The following ASPH variants were observed in gnomAD, a reference collection of about 807,000 sequenced individuals.
The protein encoded by ASPH is aspartate beta-hydroxylase.
In ASPH, 100 loss-of-function variants were observed where a neutral mutation model predicts 118.4. That is an observed-to-expected ratio of 0.84 (90% CI 0.72 to 1.00). ASPH has a LOEUF of 1.00. Ranked by LOEUF, ASPH falls within the 50% of genes least tolerant of loss-of-function variation. The pLI, the probability that ASPH is intolerant of heterozygous loss-of-function variation, is 0.00. For missense variants in ASPH, 920 were observed against 919.5 expected (o/e 1.00, Z -0.01); for synonymous variants, 315 against 325.6 (o/e 0.97, Z 0.35).
chr8:61,536,115 C>A (rs1263798159), intron 21 of ASPH, among the ~76,000 whole-genome samples: 3 of 146,132 alleles, frequency 2.1e-5, no homozygotes, highest in Non-Finnish European at 4.5e-5. Flanking sequence ...TCTTGGCTTG[C>A]TGCAACCTCT....
rs1832017167 is a variant in ASPH, at chr8:61,567,246, C to T, written c.1222G>A (p.Val408Met). ...GCAGGGACATCAGGTAGGCTGGCCACCTCTTGGTAGGTCTCGATGGCTCCA... is the reference window on the plus strand; with the variant it reads ...GCAGGGACATCAGGTAGGCTGGCCATCTCTTGGTAGGTCTCGATGGCTCCA... Reference protein sequence around the residue: ...LRGAIETYQEVASLPDVPADL... With the variant: ...LRGAIETYQEMASLPDVPADL... Residue 408 changes from valine (V) to methionine (M), a missense_variant, in exon 17 of 25, where the codon GTG becomes ATG. Physicochemically the swap from Val to Met is conservative, Grantham distance 21 (BLOSUM62 1). Transcript: ENST00000379454. 6.2e-7 allele frequency: 1 copy of T among 1,614,118 alleles called. No individual in the cohort carries two copies. The highest frequency in any genetic ancestry group is 8.5e-7 in the Non-Finnish European group (1 of 1,180,030).
chr8:61,566,668 C>T lies in ASPH; in HGVS notation c.1300+500G>A, dbSNP rs539759831. On this transcript the variant is annotated intron_variant, in intron 17 of 24. Coordinates refer to ENST00000379454, the MANE Select transcript of ASPH (RefSeq NM_004318.4). Reference sequence around the variant, plus strand: ...GTTGCCTTATTTTAAGAAATTGCCTCAGTCACCCCAACCTTCAGCAACCAC... The same window carrying T: ...GTTGCCTTATTTTAAGAAATTGCCTTAGTCACCCCAACCTTCAGCAACCAC... 1.8e-4 allele frequency among the ~76,000 whole-genome samples: 28 copies of T among 152,334 alleles called. No homozygotes were observed. In the South Asian group the frequency reaches 5.8e-3, roughly 32 times the overall value.
chr8:61,503,761 C>A (rs1024666515), intron 24 of ASPH, among the ~76,000 whole-genome samples: 1 of 152,204 alleles, frequency 6.6e-6, no homozygotes, highest in Non-Finnish European at 1.5e-5. Flanking sequence ...GTGATGAAGA[C>A]ATATTGGTCT....
chr8:61,583,882 ATC>A, intron 15 of ASPH, 60 bp downstream of exon 15: 1 of 1,195,170 alleles, frequency 8.4e-7, no homozygotes, highest in Non-Finnish European at 1.2e-6. Context: ...TTTTTAACAA[ATC>A]AAGAGTAATG....
At chr8:61,560,965 A>C (rs1271121127) in intron 18 of ASPH, among the ~76,000 whole-genome samples, 1 of 151,300 alleles carries the variant, frequency 6.6e-6, no homozygotes, top group Non-Finnish European at 1.5e-5. Context: ...GAAGCGAGAG[A>C]GGGAGGGGTA....
chr8:61,518,864 TC>T (rs1811890811), intron 22 of ASPH, among the ~76,000 whole-genome samples: 1 of 152,152 alleles, frequency 6.6e-6, no homozygotes, highest in Admixed American at 6.5e-5. Flanking sequence ...TTTGTATAGG[TC>T]CCATGGTGTT....
chr8:61,561,154 T>C (rs1443257826), intron 18 of ASPH, among the ~76,000 whole-genome samples: 1 of 130,884 alleles, frequency 7.6e-6, no homozygotes, highest in African/African-American at 3.2e-5. Context: ...AAGTTAGGAA[T>C]TCTACAAGTT....
At chr8:61,662,810 A>C (rs1385443476) in intron 3 of ASPH, 1 of 977,558 alleles carries the variant, frequency 1.0e-6, no homozygotes, top group Non-Finnish European at 1.2e-6. Context: ...AATCAATGAG[A>C]TAGCCAAAAC....
At chr8:61,645,141 T>C (rs1012237904) in intron 6 of ASPH, among the ~76,000 whole-genome samples, 2 of 152,230 alleles carry the variant, frequency 1.3e-5, no homozygotes, top group African/African-American at 4.8e-5. Flanking sequence ...ACCACACTTA[T>C]GACCTTGCTA....
rs61731238 is a variant in ASPH, at chr8:61,562,779, C to T, written c.1402G>A (p.Gly468Arg). The T allele has an allele frequency of 7.6e-4, 1,225 of 1,610,388 alleles. 8 individuals are homozygous for T. In the African/African-American group the frequency reaches 0.014, roughly 19 times the overall value. ...NDLGVGYLLI[G>R]DNDNAKKVYE... ...ACTTTCTTTGCATTGTCATTATCTC[C>T]TATCAAGAGGTATCCCACGCCAAGG... The change falls in exon 18 of 25, where the codon GGA (glycine) becomes AGA (arginine). Residue 468 changes from glycine (G) to arginine (R), a missense_variant. Coordinates refer to ENST00000379454, the MANE Select transcript of ASPH (RefSeq NM_004318.4).
At chr8:61,643,134 G>A (rs1160580531) in intron 9 of ASPH, among the ~76,000 whole-genome samples, 2 of 152,246 alleles carry the variant, frequency 1.3e-5, no homozygotes, top group African/African-American at 4.8e-5. Flanking sequence ...TGGCACAGAG[G>A]AATTTGATAC....
intron 3 of ASPH, chr8:61,665,579 T>G: frequency 6.3e-7 from 1 of 1,592,542 alleles, no homozygotes; most frequent in South Asian, 1.2e-5. Flanking sequence ...TTTCTCCTTC[T>G]TGAGCTCTTC....
chr8:61,580,209 CA>C (rs1587584996), intron 15 of ASPH, among the ~76,000 whole-genome samples: 1 of 152,186 alleles, frequency 6.6e-6, no homozygotes, highest in East Asian at 1.9e-4. Context: ...GTGGATCTAC[CA>C]TTCTGGGGCC....
chr8:61,619,015 T>C lies in ASPH; in HGVS notation c.939A>G (p.Thr313=), dbSNP rs767021011. Residue 313 remains threonine, a synonymous_variant, in exon 14 of 25, where the codon ACA becomes ACG. Transcript: ENST00000379454. ...VEEQQEVPPE[T]NRKTDDPEQK... ...GTTCTGGATCATCTGTTTTTCTATT[T>C]GTTTCTGAAAATTAAAGACAAAACA... 8 of 1,602,996 alleles carry C rather than the reference T, an allele frequency of 5.0e-6. No homozygotes were observed. The South Asian group carries it at 8.9e-5, about 18-fold the overall frequency.
chr8:61,562,797 C>T lies in ASPH; in HGVS notation c.1384G>A (p.Val462Met), dbSNP rs200072789. ...NDTSLKNDLG[V>M]GYLLIGDNDN... The stretch of plus-strand genomic sequence containing the variant: ...TTATCTCCTATCAAGAGGTATCCCA[C>T]GCCAAGGTCATTTTTTAAGGAAGTA... The change falls in exon 18 of 25, where the codon GTG (valine) becomes ATG (methionine). Residue 462 changes from valine to methionine, a missense_variant. Physicochemically the swap from Val to Met is conservative, Grantham distance 21. Coordinates refer to ENST00000379454, the MANE Select transcript of ASPH (RefSeq NM_004318.4). The T allele has an allele frequency of 4.7e-5, 76 of 1,612,354 alleles. 1 individual carries two copies. Among genetic ancestry groups the T allele is most frequent in the Middle Eastern group, 1.7e-4 (1 of 6,052 alleles).
At chr8:61,562,389 C>CTATGTGTGTGTG (rs71257370) in intron 18 of ASPH, among the ~76,000 whole-genome samples, 1 of 128,986 alleles carries the variant, frequency 7.8e-6, no homozygotes, top group Non-Finnish European at 1.6e-5. Flanking sequence ...GAAAGTGTGT[C>CTATGTGTGTGTG]TGTGTGTGTG....
At chr8:61,600,185 A>G (rs558656498) in intron 14 of ASPH, among the ~76,000 whole-genome samples, 2 of 152,234 alleles carry the variant, frequency 1.3e-5, no homozygotes, top group Non-Finnish European at 2.9e-5. Context: ...ATTTGATAAA[A>G]TACAACACAC....
chr8:61,675,264 G>C, intron 3 of ASPH: 1 of 883,726 alleles, frequency 1.1e-6, no homozygotes, highest in Non-Finnish European at 1.4e-6. Context: ...ACTTATTTAG[G>C]ATGAATAATT....
At chr8:61,689,629 A>G (rs1831976269) in intron 1 of ASPH, 3 of 1,528,706 alleles carry the variant, frequency 2.0e-6, no homozygotes, top group Admixed American at 1.8e-5. Flanking sequence ...AAAAGCTGTC[A>G]GCTAGATCTA....
Sources: allele counts gnomAD v4.1 joint callset (sites outside exome capture counted in the v4.1 genomes callset), GRCh38; gene constraint gnomAD v4.1.1; transcripts MANE v1.5; gene names NCBI Gene and HGNC (gene_info 2026-07-23, HGNC 2026-07-21).